OR10G7: variants seen among roughly 807,000 people sequenced by gnomAD.
The protein encoded by OR10G7 is olfactory receptor 10G7.
For synonymous variants in OR10G7, 165 were observed against 167.4 expected, an observed-to-expected ratio of 0.99 and a Z score of 0.11; for missense variants, 338 against 382.1, an observed-to-expected ratio of 0.88 and a Z score of 0.96.
Position 124,037,255 on chromosome 11 carries a change from CTCT to C in OR10G7, c.*808_*810del, listed in dbSNP as rs1337687031. On this transcript the variant is annotated 3_prime_UTR_variant, in exon 2 of 2. Transcript: ENST00000641585. ...GTACTTTATTCTAAATTAAGGGATA[CTCT>C]TAACAGTTTTTGACTGCATATTTTT... 6.6e-6 allele frequency: 1 copy of C among 152,120 alleles called. No individual in the cohort carries two copies. Among genetic ancestry groups the C allele is most frequent in the Non-Finnish European group, 1.5e-5 (1 of 67,996 alleles). The allele number at this position is 152,120 out of a possible 1,614,324, so 9.4% of individuals were successfully genotyped here.
At position 124,041,137 on chromosome 11, in the gene OR10G7, G is replaced by T. The variant is rs1174108334; in HGVS notation, c.-272C>A. 1 of 152,082 alleles carries T rather than the reference G, an allele frequency of 6.6e-6. No homozygotes were observed. The highest frequency in any genetic ancestry group is 1.9e-4 in the East Asian group (1 of 5,194). 9.4% of individuals were successfully genotyped at this position (152,082 alleles called of 1,614,324 possible). Reference sequence around the variant, plus strand: ...ATTTTTTCCAAATGCATCTGCTAAAGTTGATTCTGCATTGGATGGCCATCA... The same window carrying T: ...ATTTTTTCCAAATGCATCTGCTAAATTTGATTCTGCATTGGATGGCCATCA... On this transcript the variant is annotated 5_prime_UTR_variant, in exon 1 of 2. Transcript: ENST00000641585.
rs772294732 is a variant in OR10G7 at position 124,038,741 on chromosome 11, G to A, written c.261C>T (p.Ser87=). ...PKMLMTLVSP[S]GRTISFHSCV... ...AGCTGTGGAAGGAGATAGTCCTGCCGCTTGGGGACACCAAGGTCATCAGCA... is the reference window on the plus strand; with the variant it reads ...AGCTGTGGAAGGAGATAGTCCTGCCACTTGGGGACACCAAGGTCATCAGCA... The change falls in exon 2 of 2, where the codon AGC becomes AGT. Residue 87 remains serine (S), a synonymous_variant. Coordinates refer to ENST00000641585, the MANE Select transcript of OR10G7 (RefSeq NM_001004463.2). The A allele has an allele frequency of 1.7e-5, 27 of 1,613,884 alleles. No individual in the cohort carries two copies. The highest frequency in any genetic ancestry group is 3.3e-4 in the Middle Eastern group (2 of 6,084).
chr11:124,040,108 G>T (rs910948703), intron 1 of OR10G7, among the ~76,000 whole-genome samples: 7 of 151,872 alleles, frequency 4.6e-5, no homozygotes, highest in Admixed American at 4.6e-4. Context: ...TATACATTTT[G>T]TATTATTTAC....
In OR10G7 at chr11:124,038,029, A is replaced by T. The variant is rs1356124717; in HGVS notation, c.*37T>A. The T allele has an allele frequency of 1.4e-6, 2 of 1,381,814 alleles. No homozygotes were observed. Among genetic ancestry groups the T allele is most frequent in the Admixed American group, 2.3e-5 (1 of 43,722 alleles). 85.6% of individuals were successfully genotyped at this position (1,381,814 alleles called of 1,614,324 possible). ...TTGAAGGTTTAATTTAATTACAAATAAAAAAAGAAAAGTTAGCCATATATG... is the reference window on the plus strand; with the variant it reads ...TTGAAGGTTTAATTTAATTACAAATTAAAAAAGAAAAGTTAGCCATATATG... On this transcript the variant is annotated 3_prime_UTR_variant, in exon 2 of 2. Coordinates refer to ENST00000641585, the MANE Select transcript of OR10G7 (RefSeq NM_001004463.2).
intron 1 of OR10G7, among the ~76,000 whole-genome samples, chr11:124,039,262 G>T (rs1864224681): frequency 6.6e-6 from 1 of 152,114 alleles, no homozygotes; most frequent in South Asian, 2.1e-4. Context: ...TTGAAAAGAA[G>T]AACAAATTTT....
chr11:124,040,803 C>T (rs1213171776), intron 1 of OR10G7, 83 bp downstream of exon 1: 1 of 152,018 alleles, frequency 6.6e-6, no homozygotes, highest in African/African-American at 2.4e-5. Flanking sequence ...AAAAGTATGA[C>T]CATAAATACA....
intron 1 of OR10G7, among the ~76,000 whole-genome samples, chr11:124,039,346 G>A (rs537809993): frequency 4.6e-5 from 7 of 152,070 alleles, no homozygotes; most frequent in South Asian, 2.1e-4. Context: ...AGCTCTTTCC[G>A]GGGATAAGCC....
At position 124,039,007 on chromosome 11, in the gene OR10G7, CTCATA is replaced by C. The variant is rs1864222524; in HGVS notation, c.-11_-7del. 6.2e-7 allele frequency: 1 copy of C among 1,612,066 alleles called. No individual in the cohort carries two copies. Among genetic ancestry groups the C allele is most frequent in the South Asian group, 1.1e-5 (1 of 90,928 alleles). On this transcript the variant is annotated 5_prime_UTR_variant, in exon 2 of 2. The change abolishes an upstream ATG in the 5' untranslated region. Transcript: ENST00000641585. ...AGTAGGGTGGCGTTGGACATTTCTT[CTCATA>C]TATGGGGCTCTGTTCTTACAGAAAG...
chr11:124,038,334 G>T lies in OR10G7; in HGVS notation c.668C>A (p.Ser223Tyr). 1 of 1,614,154 alleles carries T rather than the reference G, an allele frequency of 6.2e-7. No individual in the cohort carries two copies. The highest frequency in any genetic ancestry group is 8.5e-7 in the Non-Finnish European group (1 of 1,180,046). Residue 223 changes from serine (S) to tyrosine (Y), a missense_variant, in exon 2 of 2, where the codon TCC becomes TAC. Ser to Tyr is a moderately radical substitution (Grantham distance 144). Transcript: ENST00000641585. ...CTCTGAGGTGCGGATCCGCAGGATG[G>T]AACAGACGATGGACACATAGGACAG... ...IVLSYVSIVC[S>Y]ILRIRTSEGR...
chr11:124,039,951 A>G (rs1864229885), intron 1 of OR10G7, among the ~76,000 whole-genome samples: 1 of 152,064 alleles, frequency 6.6e-6, no homozygotes, highest in African/African-American at 2.4e-5. Context: ...TTAAACCAGA[A>G]ACTGGTCCCT....
chr11:124,037,548 T>C lies in OR10G7; in HGVS notation c.*518A>G, dbSNP rs1466130222. ...AAAAAAATATTAAAGAGTTATATGG[T>C]TTTTATTGGCCCATGAATGTGAATA... On this transcript the variant is annotated 3_prime_UTR_variant, in exon 2 of 2. Transcript: ENST00000641585. The C allele has an allele frequency of 6.6e-6, 1 of 152,172 alleles. No individual in the cohort carries two copies. Among genetic ancestry groups the C allele is most frequent in the East Asian group, 1.9e-4 (1 of 5,206 alleles). The allele number at this position is 152,172 out of a possible 1,614,324, so 9.4% of individuals were successfully genotyped here. A position where few individuals can be genotyped will look rare whatever the true frequency, so the allele number is the denominator to read the frequency against.
intron 1 of OR10G7, among the ~76,000 whole-genome samples, chr11:124,039,714 A>G (rs770252767): frequency 2.6e-5 from 4 of 152,078 alleles, no homozygotes; most frequent in Admixed American, 2.0e-4. Context: ...GCCTGTTAGG[A>G]ACCAGTCCGC....
chr11:124,038,045 G>C lies in OR10G7; in HGVS notation c.*21C>G, dbSNP rs200733022. 6.7e-7 allele frequency: 1 copy of C among 1,495,900 alleles called. No individual in the cohort carries two copies. The highest frequency in any genetic ancestry group is 9.0e-7 in the Non-Finnish European group (1 of 1,107,676). The allele number at this position is 1,495,900 out of a possible 1,614,324, so 92.7% of individuals were successfully genotyped here. ...ATTACAAATAAAAAAAGAAAAGTTA[G>C]CCATATATGGCCTTTCTTAACTATT... On this transcript the variant is annotated 3_prime_UTR_variant, in exon 2 of 2. Transcript: ENST00000641585.
At chr11:124,040,310 T>A (rs768661203) in intron 1 of OR10G7, among the ~76,000 whole-genome samples, 15 of 152,004 alleles carry the variant, frequency 9.9e-5, no homozygotes, top group Non-Finnish European at 2.1e-4. Context: ...CAAATGCCCT[T>A]CTAAAAATAA....
rs1298699234 is a variant in OR10G7 at position 124,036,741 on chromosome 11, A to G, written c.*1325T>C. 1 of 152,240 alleles carries G rather than the reference A, an allele frequency of 6.6e-6. No individual in the cohort carries two copies. The highest frequency in any genetic ancestry group is 1.5e-5 in the Non-Finnish European group (1 of 68,044). The allele number at this position is 152,240 out of a possible 1,614,324, so 9.4% of individuals were successfully genotyped here. A position where few individuals can be genotyped will look rare whatever the true frequency, so the allele number is the denominator to read the frequency against. Reference sequence around the variant, plus strand: ...TGTGAAAACCAAAAATTTACCTCTTATACTGATCATGGTTTATGTAGTTCA... The same window carrying G: ...TGTGAAAACCAAAAATTTACCTCTTGTACTGATCATGGTTTATGTAGTTCA... On this transcript the variant is annotated 3_prime_UTR_variant, in exon 2 of 2. Transcript: ENST00000641585.
chr11:124,039,593 G>T lies in OR10G7; in HGVS notation c.-20-572C>A, dbSNP rs182360608. ...CTCTCTGGCCAGCTGCAGAACTAAG[G>T]CAGGATTCCAGCAGTGGTTTAGCAT... On this transcript the variant is annotated intron_variant, in intron 1 of 1. Coordinates refer to ENST00000641585, the MANE Select transcript of OR10G7 (RefSeq NM_001004463.2). Among the ~76,000 whole-genome samples the T allele has an allele frequency of 2.4e-3, 366 of 152,242 alleles. 2 individuals are homozygous for T. Among genetic ancestry groups the T allele is most frequent in the Non-Finnish European group, 4.1e-3 (279 of 68,028 alleles).
chr11:124,037,711 A>C lies in OR10G7; in HGVS notation c.*355T>G, dbSNP rs1250095762. The C allele has an allele frequency of 6.5e-6, 1 of 153,716 alleles. No homozygotes were observed. The highest frequency in any genetic ancestry group is 2.4e-5 in the African/African-American group (1 of 41,476). 9.5% of individuals were successfully genotyped at this position (153,716 alleles called of 1,614,324 possible). On this transcript the variant is annotated 3_prime_UTR_variant, in exon 2 of 2. Transcript: ENST00000641585. ...CAATATAGAAAGTTTAAAACATGAA[A>C]AGATTTTTATAAGGCTTTGACTTAA...
chr11:124,040,303 A>AT (rs1306989454), intron 1 of OR10G7, among the ~76,000 whole-genome samples: 2 of 152,046 alleles, frequency 1.3e-5, no homozygotes, highest in Admixed American at 1.3e-4. Context: ...AAAAATACAA[A>AT]TGCCCTTCTA....
rs143158320 is a variant in OR10G7 at position 124,038,902 on chromosome 11, C to T, written c.100G>A (p.Val34Met). The T allele has an allele frequency of 1.8e-4, 298 of 1,613,622 alleles. 3 individuals carry two copies. In the African/African-American group the frequency reaches 3.4e-3, roughly 18 times the overall value. Reference sequence around the variant, plus strand: ...AGGAGGTTCCCCAGCACAGTGAGCACGTAAACCACCAGGAAGATTCCAAAG... The same window carrying T: ...AGGAGGTTCCCCAGCACAGTGAGCATGTAAACCACCAGGAAGATTCCAAAG... ...PLFGIFLVVY[V>M]LTVLGNLLIL... Residue 34 changes from valine (V) to methionine (M), a missense_variant, in exon 2 of 2, where the codon GTG (valine) becomes ATG (methionine). Physicochemically the swap from Val to Met is conservative, Grantham distance 21. Transcript: ENST00000641585.
Sources: allele counts gnomAD v4.1 joint callset (sites outside exome capture counted in the v4.1 genomes callset), GRCh38; gene constraint gnomAD v4.1.1; transcripts MANE v1.5; gene names NCBI Gene and HGNC (gene_info 2026-07-23, HGNC 2026-07-21).